PDE4D: variants seen among roughly 807,000 people sequenced by gnomAD.
The protein encoded by PDE4D is phosphodiesterase 4D, also known as 3',5'-cyclic-AMP phosphodiesterase 4D.
A neutral mutation model predicts 87.4 loss-of-function variants in PDE4D; 24 were observed. The observed-to-expected ratio is 0.27, with a 90% CI of 0.20 to 0.39. PDE4D has a LOEUF of 0.39. Among genes scored for constraint, PDE4D ranks in the 10% least tolerant of loss-of-function variants. The pLI, the probability that PDE4D is intolerant of heterozygous loss-of-function variation, is 1.00. For synonymous variants in PDE4D, 384 were observed against 383.2 expected (o/e 1.00, Z -0.02); for missense variants, 714 against 1,041.0 (o/e 0.69, Z 4.32).
At chr5:60,298,856 C>T (rs545577130) in intron 1 of PDE4D, among the ~76,000 whole-genome samples, 1 of 152,132 alleles carries the variant, frequency 6.6e-6, no homozygotes, top group South Asian at 2.1e-4. Context: ...AGAAACATAC[C>T]AAATATAAGA....
chr5:60,418,810 T>C (rs1221254405), intron 1 of PDE4D, among the ~76,000 whole-genome samples: 1 of 152,180 alleles, frequency 6.6e-6, no homozygotes, highest in Non-Finnish European at 1.5e-5. Context: ...TGCTATCAAA[T>C]AGTAGGTCTT....
chr5:59,934,261 G>A (rs1409465006), intron 3 of PDE4D, among the ~76,000 whole-genome samples: 1 of 152,132 alleles, frequency 6.6e-6, no homozygotes, highest in African/African-American at 2.4e-5. Flanking sequence ...AACAAAAGAG[G>A]GGAAATTACT....
intron 2 of PDE4D, among the ~76,000 whole-genome samples, chr5:60,115,651 G>A (rs1778105308): frequency 6.6e-6 from 1 of 152,008 alleles, no homozygotes; most frequent in Non-Finnish European, 1.5e-5. Flanking sequence ...CAGCCAGTTA[G>A]TGACAGAATT....
chr5:59,662,834 TTTA>T (rs750500347), intron 1 of PDE4D, among the ~76,000 whole-genome samples: 1 of 151,798 alleles, frequency 6.6e-6, no homozygotes, highest in African/African-American at 2.4e-5. Context: ...ACTTCTGCTA[TTTA>T]TTATTAATTT....
At chr5:59,027,209 C>T (rs1756401814) in intron 6 of PDE4D, among the ~76,000 whole-genome samples, 1 of 152,154 alleles carries the variant, frequency 6.6e-6, no homozygotes. Flanking sequence ...CTCATGATTA[C>T]ACTGGGGTTA....
At chr5:60,208,074 C>G in intron 1 of PDE4D, among the ~76,000 whole-genome samples, 1 of 151,952 alleles carries the variant, frequency 6.6e-6, no homozygotes, top group East Asian at 1.9e-4. Context: ...CAGCAGTGAA[C>G]AAAAAGAAAA....
At chr5:59,786,350 T>C (rs1481705257) in intron 1 of PDE4D, among the ~76,000 whole-genome samples, 2 of 152,234 alleles carry the variant, frequency 1.3e-5, no homozygotes, top group Non-Finnish European at 2.9e-5. Flanking sequence ...AAATTCAGGC[T>C]GTAGTCCAAT....
chr5:59,285,223 A>G (rs1378435862), intron 1 of PDE4D, among the ~76,000 whole-genome samples: 3 of 150,832 alleles, frequency 2.0e-5, no homozygotes, highest in Admixed American at 6.6e-5. Context: ...AAAAAAAAAA[A>G]AAAAGAAAAC....
At chr5:60,188,577 A>T (rs1247122001) in intron 1 of PDE4D, among the ~76,000 whole-genome samples, 1 of 152,118 alleles carries the variant, frequency 6.6e-6, no homozygotes, top group Non-Finnish European at 1.5e-5. Flanking sequence ...AAGCCCCCCA[A>T]GGTAGGGCAG....
At chr5:59,294,682 C>T (rs1362995056) in intron 1 of PDE4D, among the ~76,000 whole-genome samples, 3 of 152,118 alleles carry the variant, frequency 2.0e-5, no homozygotes, top group Admixed American at 6.6e-5. Context: ...GAACAATGCA[C>T]GCAGTCACGG....
intron 4 of PDE4D, among the ~76,000 whole-genome samples, chr5:59,184,564 A>T (rs551517661): frequency 0.023 from 1,334 of 59,164 alleles, 20 homozygotes; most frequent in African/African-American, 0.052. Context: ...GATTTTTTTT[A>T]AAAAAATGGA....
chr5:60,055,795 A>T (rs1314531936), intron 2 of PDE4D, among the ~76,000 whole-genome samples: 1 of 152,124 alleles, frequency 6.6e-6, no homozygotes, highest in African/African-American at 2.4e-5. Context: ...GCTCTTAACC[A>T]CTACCATATC....
At chr5:60,127,604 G>A in intron 2 of PDE4D, 1 of 527,210 alleles carries the variant, frequency 1.9e-6, no homozygotes, top group Non-Finnish European at 3.4e-6. Context: ...GGAGGAAGAT[G>A]AAGGTGAAGA....
intron 1 of PDE4D, among the ~76,000 whole-genome samples, chr5:60,241,606 A>T (rs1164298547): frequency 1.3e-5 from 2 of 152,110 alleles, no homozygotes; most frequent in Non-Finnish European, 2.9e-5. Context: ...GTGAGCTAGA[A>T]GACAGGCTAT....
intron 6 of PDE4D, among the ~76,000 whole-genome samples, chr5:59,020,538 C>T (rs1754945851): frequency 6.6e-6 from 1 of 151,962 alleles, no homozygotes; most frequent in South Asian, 2.1e-4. Flanking sequence ...ATGTTTAACA[C>T]CAGAAAGTTT....
intron 1 of PDE4D, among the ~76,000 whole-genome samples, chr5:59,551,992 G>C (rs756490422): frequency 1.3e-5 from 2 of 152,110 alleles, no homozygotes; most frequent in Non-Finnish European, 2.9e-5. Context: ...AACACAGGCG[G>C]ATTGCTTGAG....
At chr5:59,764,934 G>A (rs1254839083) in intron 1 of PDE4D, among the ~76,000 whole-genome samples, 1 of 152,026 alleles carries the variant, frequency 6.6e-6, no homozygotes, top group Non-Finnish European at 1.5e-5. Flanking sequence ...TAGGATTATA[G>A]GCATGAGCCA....
intron 1 of PDE4D, among the ~76,000 whole-genome samples, chr5:59,868,782 G>A (rs931698714): frequency 1.3e-5 from 2 of 152,180 alleles, no homozygotes; most frequent in Non-Finnish European, 2.9e-5. Context: ...TGTTCTTTGT[G>A]TAATGTAGTT....
At chr5:60,014,170 G>T (rs1765298745) in intron 2 of PDE4D, among the ~76,000 whole-genome samples, 1 of 149,612 alleles carries the variant, frequency 6.7e-6, no homozygotes. Context: ...ATTCCACATA[G>T]AGGCCATATG....
Sources: allele counts gnomAD v4.1 joint callset (sites outside exome capture counted in the v4.1 genomes callset), GRCh38; gene constraint gnomAD v4.1.1; transcripts MANE v1.5; gene names NCBI Gene and HGNC (gene_info 2026-07-23, HGNC 2026-07-21).